MS4A4E: variants seen among roughly 807,000 people sequenced by gnomAD.
MS4A4E encodes putative membrane-spanning 4-domains subfamily A member 4E.
MS4A4E carries 23 observed loss-of-function variants against 13.3 expected under a neutral mutation model. The ratio of observed to expected loss-of-function variants is 1.73; its 90% confidence interval spans 1.25 to 2.45. MS4A4E has a LOEUF of 2.45. Among genes scored for constraint, MS4A4E ranks in the 30% most tolerant of loss-of-function variants. The pLI is 0.00. For missense variants in MS4A4E, 144 were observed against 131.2 expected (o/e 1.10, Z -0.48); for synonymous variants, 36 against 45.6 (o/e 0.79, Z 0.85).
At chr11:60,205,636 C>T (rs1435445446) in intron 7 of MS4A4E, among the ~76,000 whole-genome samples, 78 bp downstream of exon 7, 1 of 152,104 alleles carries the variant, frequency 6.6e-6, no homozygotes, top group Non-Finnish European at 1.5e-5. Flanking sequence ...TTCATAGCTA[C>T]ATAGGTAGTA....
intron 1 of MS4A4E, among the ~76,000 whole-genome samples, chr11:60,232,322 C>CACACACACACACA (rs58202966): frequency 4.4e-4 from 49 of 112,258 alleles, no homozygotes; most frequent in South Asian, 6.2e-4. Context: ...CACACACACA[C>CACACACACACACA]CAAAAATGAA....
chr11:60,227,277 C>T (rs998420719), intron 3 of MS4A4E, among the ~76,000 whole-genome samples: 8 of 152,110 alleles, frequency 5.3e-5, no homozygotes, highest in South Asian at 2.1e-4. Flanking sequence ...AATGGCCGGG[C>T]GTGGTGGCTC....
chr11:60,229,518 G>A (rs989397993), intron 2 of MS4A4E, among the ~76,000 whole-genome samples: 2 of 152,136 alleles, frequency 1.3e-5, no homozygotes, highest in Admixed American at 6.5e-5. Flanking sequence ...TTCATCCTCT[G>A]AGCAGTAGGC....
intron 1 of MS4A4E, among the ~76,000 whole-genome samples, chr11:60,235,110 A>G (rs1052940278): frequency 6.6e-6 from 1 of 152,216 alleles, no homozygotes; most frequent in African/African-American, 2.4e-5. Context: ...AACAGAAGGC[A>G]TTAATGACAA....
rs963345482 is a variant in MS4A4E, at chr11:60,200,323, G to C, written c.*1220C>G. ...ATTTAATTTTTTATTGACCATTCTT[G>C]GGTGTTTCTCACAGAGGGGGATTTG... On this transcript the variant is annotated 3_prime_UTR_variant, in exon 9 of 9. Transcript: ENST00000651255. 1.3e-5 allele frequency among the ~76,000 whole-genome samples: 2 copies of C among 151,240 alleles called. No individual in the cohort carries two copies. Among genetic ancestry groups the C allele is most frequent in the African/African-American group, 4.9e-5 (2 of 41,108 alleles).
chr11:60,220,904 G>A (rs954780295), intron 3 of MS4A4E, among the ~76,000 whole-genome samples: 3 of 152,288 alleles, frequency 2.0e-5, no homozygotes, highest in Admixed American at 2.0e-4. Context: ...CCAGTTTTGA[G>A]TGGGGTCCAG....
At chr11:60,232,860 T>A (rs1457337780) in intron 1 of MS4A4E, among the ~76,000 whole-genome samples, 1 of 152,160 alleles carries the variant, frequency 6.6e-6, no homozygotes, top group East Asian at 1.9e-4. Context: ...TGCCGCTATC[T>A]ACTCTCTACT....
intron 3 of MS4A4E, among the ~76,000 whole-genome samples, chr11:60,225,963 A>AG (rs979666166): frequency 2.0e-5 from 3 of 151,980 alleles, no homozygotes; most frequent in Non-Finnish European, 4.4e-5. Context: ...CATAAGTGAA[A>AG]GGGGGAATAT....
At chr11:60,204,174 G>A (rs1220562913) in intron 8 of MS4A4E, among the ~76,000 whole-genome samples, 1 of 152,192 alleles carries the variant, frequency 6.6e-6, no homozygotes, top group Non-Finnish European at 1.5e-5. Context: ...AGAATCAGGA[G>A]ATGTAAGGAC....
chr11:60,207,251 G>A (rs73483287), intron 6 of MS4A4E, among the ~76,000 whole-genome samples: 2,048 of 152,280 alleles, frequency 0.013, 45 homozygotes, highest in African/African-American at 0.046. Flanking sequence ...GGAAGAGATA[G>A]AGATTTAGCC....
chr11:60,237,320 TA>T (rs929597203), intron 1 of MS4A4E, among the ~76,000 whole-genome samples: 57 of 152,370 alleles, frequency 3.7e-4, no homozygotes, highest in African/African-American at 1.3e-3. Context: ...GGTGTATATA[TA>T]CCACATTTTC....
At chr11:60,207,260 C>G (rs2084059987) in intron 6 of MS4A4E, among the ~76,000 whole-genome samples, 1 of 152,118 alleles carries the variant, frequency 6.6e-6, no homozygotes, top group African/African-American at 2.4e-5. Context: ...AGAGATTTAG[C>G]CAAGATATGC....
In MS4A4E at chr11:60,204,929, A is replaced by T. The variant is rs955346486; in HGVS notation, c.620T>A (p.Val207Asp). Among the ~76,000 whole-genome samples, 1 of 152,170 alleles carries T rather than the reference A, an allele frequency of 6.6e-6. No individual in the cohort carries two copies. Among genetic ancestry groups the T allele is most frequent in the African/African-American group, 2.4e-5 (1 of 41,430 alleles). ...CCAAGAAGATAGAATGTCATAATAG[A>T]CTTTTTCCAGATACTGTCCATCTCC... The part of the protein sequence containing the change: ...CSGDGQYLEK[V>D]YYDILSSWLR... Residue 207 changes from valine to aspartate, a missense_variant, in exon 8 of 9, where the codon GTC becomes GAC. Transcript: ENST00000651255.
At chr11:60,241,572 G>A (rs77745731) in intron 1 of MS4A4E, among the ~76,000 whole-genome samples, 1,818 of 152,176 alleles carry the variant, frequency 0.012, 36 homozygotes, top group African/African-American at 0.042. Flanking sequence ...ATTCAAGGCT[G>A]GTGCTCTGTC....
At chr11:60,214,454 T>C (rs536666256) in intron 4 of MS4A4E, 117 bp downstream of exon 4, 7 of 572,722 alleles carry the variant, frequency 1.2e-5, no homozygotes, top group Middle Eastern at 5.3e-4. Context: ...CTAAGTAAAA[T>C]GCATAGTTGC....
intron 1 of MS4A4E, among the ~76,000 whole-genome samples, chr11:60,234,961 G>C (rs773423901): frequency 6.6e-6 from 1 of 151,918 alleles, no homozygotes. Flanking sequence ...GTGAAGGGAT[G>C]AAATACTCCA....
intron 6 of MS4A4E, among the ~76,000 whole-genome samples, 178 bp downstream of exon 6, chr11:60,208,415 T>C (rs2084075011): frequency 1.3e-5 from 2 of 152,160 alleles, no homozygotes; most frequent in South Asian, 4.1e-4. Context: ...GCCAACTCCC[T>C]GATGACAGAG....
chr11:60,213,646 T>C (rs1176732488), intron 4 of MS4A4E, among the ~76,000 whole-genome samples: 3 of 152,194 alleles, frequency 2.0e-5, no homozygotes, highest in African/African-American at 4.8e-5. Flanking sequence ...CACTAGGAAG[T>C]TGGGTTAGGC....
chr11:60,226,958 C>G (rs1334190051), intron 3 of MS4A4E, among the ~76,000 whole-genome samples: 2 of 151,992 alleles, frequency 1.3e-5, no homozygotes, highest in Non-Finnish European at 2.9e-5. Context: ...GCTTAATACA[C>G]AAGAGTCAAT....
Sources: gnomAD v4.1 joint callset for allele counts (sites outside exome capture counted in the v4.1 genomes callset) on GRCh38, gnomAD v4.1.1 for gene constraint, MANE v1.5 for transcripts, NCBI Gene and HGNC (gene_info 2026-07-23, HGNC 2026-07-21) for gene names.